Variants in SLC22A31 observed in about 807,000 individuals in gnomAD.
SLC22A31 encodes the protein putative solute carrier family 22 member 31.
SLC22A31 carries 42 observed loss-of-function variants against 27.4 expected under a neutral mutation model. That is an observed-to-expected ratio of 1.53 (90% CI 1.20 to 1.98). SLC22A31 has a LOEUF of 1.98. Ranked by LOEUF, SLC22A31 falls within the 30% of genes most tolerant of loss-of-function variation. The pLI, the probability that SLC22A31 is intolerant of heterozygous loss-of-function variation, is 0.00. For synonymous variants in SLC22A31, 290 were observed against 230.8 expected (o/e 1.26, Z -2.33); for missense variants, 593 against 479.9 (o/e 1.24, Z -2.20).
chr16:89,197,637 C>T (rs924254353), intron 7 of SLC22A31, among the ~76,000 whole-genome samples: 1 of 152,212 alleles, frequency 6.6e-6, no homozygotes, highest in African/African-American at 2.4e-5. Flanking sequence ...CGCAGCCACA[C>T]CGACCACCTC....
chr16:89,197,661 G>A lies in SLC22A31; in HGVS notation c.923-252C>T, dbSNP rs116972316. 1.3e-3 allele frequency among the ~76,000 whole-genome samples: 202 copies of A among 152,266 alleles called. 4 individuals are homozygous for A. The East Asian group carries it at 0.034, about 26-fold the overall frequency. ...ACCGACCACCTCCACTCGGGCCCAC[G>A]CTCAGCTACTGCTGTGCTGTCCACT... On this transcript the variant is annotated intron_variant, in intron 7 of 8. Coordinates refer to ENST00000682282, the MANE Select transcript of SLC22A31 (RefSeq NM_001384763.1).
At chr16:89,196,335 A>G (rs2151608298) in intron 8 of SLC22A31, 30 bp from the exon 9 acceptor site, 1 of 932,504 alleles carries the variant, frequency 1.1e-6, no homozygotes, top group African/African-American at 1.9e-5. Flanking sequence ...GGGGGCAGCC[A>G]GCCTCCTGGC....
Position 89,196,011 on chromosome 16 carries a change from G to C in SLC22A31, c.1329C>G (p.Pro443=), listed in dbSNP as rs35146933. The C allele has an allele frequency of 6.6e-7, 1 of 1,511,310 alleles. No homozygotes were observed. Among genetic ancestry groups the C allele is most frequent in the Non-Finnish European group, 8.8e-7 (1 of 1,134,736 alleles). The allele number at this position is 1,511,310 out of a possible 1,614,324, so 93.6% of individuals were successfully genotyped here. Residue 443 remains proline (P), a synonymous_variant, in exon 9 of 9, where the codon CCC becomes CCG. Transcript: ENST00000682282. ...CCACCAGGCAGGACTAGTGCTGCTC[G>C]GGGGTGTGGCCGGCCCAGTAGGAGT... The part of the protein sequence containing the change: ...PSNSYWAGHT[P]EQH
Position 89,196,250 on chromosome 16 carries a change from G to A in SLC22A31, c.1090C>T (p.Pro364Ser), listed in dbSNP as rs759804250. ...GAGFLGQAAGPLDTLHGRQGF... is the reference protein window; with the variant it reads ...GAGFLGQAAGSLDTLHGRQGF... ...TGCCGGCCGTGCAGGGTGTCCAGGG[G>A]GCCGGCTGCCTGGCCCAGGAACCCG... Residue 364 changes from proline (P) to serine (S), a missense_variant, in exon 9 of 9, where the codon CCC becomes TCC. Pro to Ser is a moderately conservative substitution (Grantham distance 74, BLOSUM62 -1). Coordinates refer to ENST00000682282, the MANE Select transcript of SLC22A31 (RefSeq NM_001384763.1). 6.5e-7 allele frequency: 1 copy of A among 1,533,374 alleles called. No individual in the cohort carries two copies. The highest frequency in any genetic ancestry group is 2.0e-5 in the Admixed American group (1 of 50,948). The allele number at this position is 1,533,374 out of a possible 1,614,324, so 95.0% of individuals were successfully genotyped here. A position where few individuals can be genotyped will look rare whatever the true frequency, so the allele number is the denominator to read the frequency against.
In SLC22A31 at chr16:89,198,683, G is replaced by A. The variant is rs1045874755; in HGVS notation, c.567C>T (p.Asp189=). Residue 189 remains aspartate, a synonymous_variant, in exon 5 of 9, where the codon GAC becomes GAT. Transcript: ENST00000682282. ...CCAGGGAGTTCTCCTCCAAGGAACT[G>A]TCCCCGGGGCCCACGCCACTGGCTT... is the stretch of plus-strand genomic sequence containing the variant. ...FAEASGVGPG[D]SSLEENSLAT... is the part of the protein sequence containing the mutation. 17 of 1,535,652 alleles carry A rather than the reference G, an allele frequency of 1.1e-5. No individual in the cohort carries two copies. Among genetic ancestry groups the A allele is most frequent in the African/African-American group, 1.4e-5 (1 of 73,034 alleles).
At chr16:89,201,377 G>A (rs1400193018), upstream of SLC22A31, 9 of 353,234 alleles carry the variant, frequency 2.5e-5, no homozygotes, top group Non-Finnish European at 3.5e-5. Flanking sequence ...GGCGGGTGCA[G>A]GGCGCGGGAT....
chr16:89,196,214 G>A lies in SLC22A31; in HGVS notation c.1126C>T (p.Leu376=), dbSNP rs746061848. 2 of 1,534,874 alleles carry A rather than the reference G, an allele frequency of 1.3e-6. No individual in the cohort carries two copies. Among genetic ancestry groups the A allele is most frequent in the South Asian group, 2.4e-5 (2 of 84,044 alleles). ...AGGGAGGCGAAGACGACTTGTTGCA[G>A]GAAGAAGCCCTGCCGGCCGTGCAGG... ...DTLHGRQGFF[L]QQVVFASLAV... Residue 376 remains leucine (L), a synonymous_variant, in exon 9 of 9, where the codon CTG becomes TTG. Transcript: ENST00000682282.
At chr16:89,199,229 G>A (rs1416539059) in intron 3 of SLC22A31, 38 bp from the exon 4 acceptor site, 3 of 1,495,452 alleles carry the variant, frequency 2.0e-6, no homozygotes, top group South Asian at 2.5e-5. Flanking sequence ...GAGGCCTCGG[G>A]GAGGACTGGA....
chr16:89,201,327 G>A (rs1916596962), upstream of SLC22A31: 2 of 339,824 alleles, frequency 5.9e-6, no homozygotes, highest in African/African-American at 2.2e-5. Context: ...CGTGTGCAGG[G>A]CCGGGTGCCG....
chr16:89,196,744 G>C (rs1184770447), intron 8 of SLC22A31, among the ~76,000 whole-genome samples: 1 of 152,068 alleles, frequency 6.6e-6, no homozygotes, highest in Admixed American at 6.5e-5. Flanking sequence ...TCAGGAGATC[G>C]AGACCATCCT....
chr16:89,196,610 G>A (rs1011907011), intron 8 of SLC22A31, among the ~76,000 whole-genome samples: 1 of 152,188 alleles, frequency 6.6e-6, no homozygotes, highest in African/African-American at 2.4e-5. Flanking sequence ...AAATTGTTTT[G>A]GAAAAACCTC....
In SLC22A31 at chr16:89,196,105, C is replaced by A. The variant is rs1185456195; in HGVS notation, c.1235G>T (p.Arg412Leu). The change falls in exon 9 of 9, where the codon CGC (arginine) becomes CTC (leucine). Residue 412 changes from arginine to leucine, a missense_variant. Transcript: ENST00000682282. ...GLPQSLQDAD[R>L]LRRSPLLRGR... ...CCGCAGGAGTGGGGAGCGGCGCAGG[C>A]GGTCGGCGTCCTGCAGTGACTGGGG... 2 of 1,533,918 alleles carry A rather than the reference C, an allele frequency of 1.3e-6. No individual in the cohort carries two copies. Among genetic ancestry groups the A allele is most frequent in the Non-Finnish European group, 1.7e-6 (2 of 1,146,354 alleles).
intron 7 of SLC22A31, among the ~76,000 whole-genome samples, chr16:89,197,615 C>T (rs1916085559): frequency 6.6e-6 from 1 of 152,212 alleles, no homozygotes; most frequent in African/African-American, 2.4e-5. Flanking sequence ...TGTTAGAATC[C>T]TGACCCCGAG....
At position 89,200,459 on chromosome 16, in the gene SLC22A31, T is replaced by C. The variant is rs1264124306; in HGVS notation, c.24+19A>G. On this transcript the variant is annotated intron_variant, in intron 1 of 8. Transcript: ENST00000682282. ...GCTGGGGGCCGTGCTATGCCCGAGA[T>C]TTTACTTTCAAACCTGACGTTTTGG... 2 of 152,300 alleles carry C rather than the reference T, an allele frequency of 1.3e-5. No individual in the cohort carries two copies. The highest frequency in any genetic ancestry group is 1.3e-4 in the Admixed American group (2 of 15,280). The allele number at this position is 152,300 out of a possible 1,614,324, so 9.4% of individuals were successfully genotyped here.
intron 5 of SLC22A31, 24 bp downstream of exon 5, chr16:89,198,628 C>A: frequency 6.5e-7 from 1 of 1,531,946 alleles, no homozygotes; most frequent in Non-Finnish European, 8.7e-7. Flanking sequence ...CCTGAATCTC[C>A]CTCCTCCCTG....
chr16:89,198,778 C>A lies in SLC22A31; in HGVS notation c.472G>T (p.Glu158Ter). ...LFWGFPALFP[E>*]SPCWLLATGQ... ...GTGGCCAGCAGCCAGCAGGGAGACT[C>A]GGGGAACAGGGCCGGGAACCTGCAG... The change falls in exon 5 of 9, where the codon GAG becomes TAG. Residue 158 changes from glutamate (E) to a stop codon, truncating the protein, a stop_gained. Coordinates refer to ENST00000682282, the MANE Select transcript of SLC22A31 (RefSeq NM_001384763.1). LOFTEE classifies it high-confidence loss of function. The A allele has an allele frequency of 1.3e-6, 2 of 1,532,990 alleles. No individual in the cohort carries two copies. Among genetic ancestry groups the A allele is most frequent in the Non-Finnish European group, 1.7e-6 (2 of 1,144,536 alleles). The allele number at this position is 1,532,990 out of a possible 1,614,324, so 95.0% of individuals were successfully genotyped here. A position where few individuals can be genotyped will look rare whatever the true frequency, so the allele number is the denominator to read the frequency against.
chr16:89,201,461 C>A, upstream of SLC22A31: 1 of 391,938 alleles, frequency 2.6e-6, no homozygotes, highest in Non-Finnish European at 4.5e-6. Flanking sequence ...CGTCCAGCAG[C>A]GCGGGTCCGC....
rs774491703 is a variant in SLC22A31 at position 89,198,718 on chromosome 16, G to A, written c.532C>T (p.Arg178Cys). ...QVARARKILW[R>C]FAEASGVGPG... ...CCCACGCCACTGGCTTCTGCAAAGCGCCACAGGATCTTCCTGGCTCGAGCT... is the reference window on the plus strand; with the variant it reads ...CCCACGCCACTGGCTTCTGCAAAGCACCACAGGATCTTCCTGGCTCGAGCT... Residue 178 changes from arginine to cysteine, a missense_variant, in exon 5 of 9, where the codon CGC (arginine) becomes TGC (cysteine). By Grantham distance (180) the Arg-to-Cys change is radical. Transcript: ENST00000682282. The A allele has an allele frequency of 9.1e-5, 140 of 1,535,606 alleles. No individual in the cohort carries two copies. In the Middle Eastern group the frequency reaches 1.3e-3, roughly 15 times the overall value.
At chr16:89,198,572 G>A (rs1301848554) in intron 5 of SLC22A31, 22 bp from the exon 6 acceptor site, 4 of 1,513,204 alleles carry the variant, frequency 2.6e-6, no homozygotes, top group Non-Finnish European at 3.5e-6. Flanking sequence ...GAGATGTGAG[G>A]GGAGGGGGGT....
Sources: allele counts gnomAD v4.1 joint callset (sites outside exome capture counted in the v4.1 genomes callset), GRCh38; gene constraint gnomAD v4.1.1; transcripts MANE v1.5; gene names NCBI Gene and HGNC (gene_info 2026-07-23, HGNC 2026-07-21).